The following C1QTNF7 variants were observed in gnomAD, a reference collection of about 807,000 sequenced individuals.
C1QTNF7 encodes complement C1q tumor necrosis factor-related protein 7.
In C1QTNF7, 15 loss-of-function variants were observed where a neutral mutation model predicts 19.6. The ratio of observed to expected loss-of-function variants is 0.76; its 90% CI spans 0.51 to 1.18. The LOEUF (loss-of-function observed/expected upper bound fraction) is 1.18. Ranked by LOEUF, C1QTNF7 falls within the 50% of genes most tolerant of loss-of-function variation. C1QTNF7 has a pLI of 0.00. For synonymous variants in C1QTNF7, 142 were observed against 137.5 expected (o/e 1.03, Z -0.23); for missense variants, 324 against 359.7 (o/e 0.90, Z 0.80).
chr4:15,393,822 G>A lies in C1QTNF7; in HGVS notation c.14-41914G>A, dbSNP rs35006398. Among the ~76,000 whole-genome samples, 569 of 152,322 alleles carry A rather than the reference G, an allele frequency of 3.7e-3. 7 individuals are homozygous for A. The highest frequency in any genetic ancestry group is 7.1e-3 in the Non-Finnish European group (483 of 68,038). On this transcript the variant is annotated intron_variant, in intron 1 of 2. Coordinates refer to the C1QTNF7 transcript ENST00000295297. Reference sequence around the variant, plus strand: ...TCACATGTTTGTTGAGGCCTACTATGTGCTGGGCCCTTTCTGGATACAAGA... The same window carrying A: ...TCACATGTTTGTTGAGGCCTACTATATGCTGGGCCCTTTCTGGATACAAGA...
chr4:15,408,579 G>A (rs1415417827), intron 1 of C1QTNF7, among the ~76,000 whole-genome samples: 1 of 152,076 alleles, frequency 6.6e-6, no homozygotes, highest in Admixed American at 6.6e-5. Flanking sequence ...AGCTGCTTTG[G>A]TGGAATGATG....
intron 1 of C1QTNF7, among the ~76,000 whole-genome samples, chr4:15,407,495 A>C (rs1452391644): frequency 6.6e-6 from 1 of 152,182 alleles, no homozygotes; most frequent in Admixed American, 6.5e-5. Flanking sequence ...AATCAAGTGG[A>C]GGACACCTGG....
intron 1 of C1QTNF7, among the ~76,000 whole-genome samples, chr4:15,382,620 T>C (rs2108892023): frequency 6.6e-6 from 1 of 152,348 alleles, no homozygotes; most frequent in African/African-American, 2.4e-5. Context: ...ATGCATGATA[T>C]ACTCAGGCCT....
chr4:15,401,154 A>G (rs1221667754), intron 1 of C1QTNF7, among the ~76,000 whole-genome samples: 1 of 152,198 alleles, frequency 6.6e-6, no homozygotes, highest in Non-Finnish European at 1.5e-5. Flanking sequence ...GCGAGGGGGA[A>G]GGGAGTGGCA....
At chr4:15,427,219 T>C (rs964488364), upstream of C1QTNF7, among the ~76,000 whole-genome samples, 2 of 152,158 alleles carry the variant, frequency 1.3e-5, no homozygotes, top group African/African-American at 4.8e-5. Context: ...TCTCATTGCT[T>C]GAGAAGAATG....
Position 15,442,251 on chromosome 4 carries a change from C to T in C1QTNF7, c.322C>T (p.Pro108Ser), listed in dbSNP as rs1398955393. The change falls in exon 3 of 3, where the codon CCA (proline) becomes TCA (serine). Residue 108 changes from proline (P) to serine (S), a missense_variant. Transcript: ENST00000444304. ...GETGKKGPIG[P>S]EGEKGEVGPI... Reference sequence around the variant, plus strand: ...GACTGGGAAGAAAGGACCCATAGGACCAGAGGGAGAGAAAGGAGAAGTAGG... The same window carrying T: ...GACTGGGAAGAAAGGACCCATAGGATCAGAGGGAGAGAAAGGAGAAGTAGG... The T allele has an allele frequency of 6.2e-7, 1 of 1,613,818 alleles. No homozygotes were observed. The highest frequency in any genetic ancestry group is 1.7e-5 in the Admixed American group (1 of 59,962).
chr4:15,382,214 G>T (rs1718174340), intron 1 of C1QTNF7, among the ~76,000 whole-genome samples: 1 of 151,992 alleles, frequency 6.6e-6, no homozygotes, highest in South Asian at 2.1e-4. Flanking sequence ...TTCAAATGTG[G>T]TTTTCTTTCC....
rs572497379 is a variant in C1QTNF7 at position 15,362,929 on chromosome 4, T to C, written c.13+22722T>C. ...GTAAGTATCATCATCATTATCATTA[T>C]GATTTTGCAGCATGGAAAACTCAAA... is the stretch of plus-strand genomic sequence containing the variant. On this transcript the variant is annotated intron_variant, in intron 1 of 2. Transcript: ENST00000295297. Among the ~76,000 whole-genome samples the C allele has an allele frequency of 1.3e-3, 198 of 152,304 alleles. 1 individual carries two copies. Among genetic ancestry groups the C allele is most frequent in the Non-Finnish European group, 2.5e-3 (170 of 68,010 alleles).
At chr4:15,400,082 A>G (rs1393902845) in intron 1 of C1QTNF7, among the ~76,000 whole-genome samples, 1 of 152,232 alleles carries the variant, frequency 6.6e-6, no homozygotes, top group African/African-American at 2.4e-5. Flanking sequence ...TGTAACACAC[A>G]AGCTAGATTT....
intron 1 of C1QTNF7, among the ~76,000 whole-genome samples, chr4:15,413,124 C>T (rs1719465067): frequency 6.6e-6 from 1 of 152,220 alleles, no homozygotes; most frequent in Non-Finnish European, 1.5e-5. Context: ...TCAAAATGAA[C>T]AGCATATTTT....
intron 1 of C1QTNF7, among the ~76,000 whole-genome samples, chr4:15,346,661 CAGTGGA>C (rs1174901829): frequency 5.3e-5 from 8 of 152,350 alleles, no homozygotes; most frequent in Non-Finnish European, 1.2e-4. Flanking sequence ...AATTTGACCA[CAGTGGA>C]ATCTTATTAA....
intron 1 of C1QTNF7, among the ~76,000 whole-genome samples, chr4:15,406,260 A>G (rs1719191799): frequency 6.6e-6 from 1 of 152,180 alleles, no homozygotes; most frequent in African/African-American, 2.4e-5. Context: ...TACATATTCA[A>G]TAGCTCTCTG....
chr4:15,424,968 A>G (rs1711970937), upstream of C1QTNF7, among the ~76,000 whole-genome samples: 1 of 152,128 alleles, frequency 6.6e-6, no homozygotes, highest in African/African-American at 2.4e-5. Context: ...TTGTCTCTAC[A>G]AGGTCTCTTT....
intron 1 of C1QTNF7, among the ~76,000 whole-genome samples, chr4:15,348,647 A>C (rs1355862514): frequency 6.6e-6 from 1 of 152,194 alleles, no homozygotes; most frequent in African/African-American, 2.4e-5. Context: ...CATGGTGTTC[A>C]CGGGGCAATA....
intron 1 of C1QTNF7, among the ~76,000 whole-genome samples, chr4:15,397,537 T>A (rs1718831170): frequency 6.6e-6 from 1 of 152,222 alleles, no homozygotes; most frequent in African/African-American, 2.4e-5. Context: ...TCTGGCTATC[T>A]CTAGAGGCAC....
chr4:15,438,302 G>A (rs1712617300), intron 2 of C1QTNF7, among the ~76,000 whole-genome samples: 1 of 152,158 alleles, frequency 6.6e-6, no homozygotes, highest in African/African-American at 2.4e-5. Flanking sequence ...GATCGATGAA[G>A]AGAGGTGTAC....
intron 1 of C1QTNF7, among the ~76,000 whole-genome samples, chr4:15,341,459 C>T (rs372160199): frequency 1.3e-5 from 2 of 152,096 alleles, no homozygotes; most frequent in African/African-American, 4.8e-5. Context: ...ATGGTCTCAA[C>T]GATAAGAAAG....
At chr4:15,434,374 T>A (rs1460567723) in intron 1 of C1QTNF7, among the ~76,000 whole-genome samples, 12 of 152,206 alleles carry the variant, frequency 7.9e-5, no homozygotes, top group Admixed American at 7.9e-4. Context: ...AATTTCCCCA[T>A]GGGTACCACA....
intron 1 of C1QTNF7, among the ~76,000 whole-genome samples, chr4:15,408,704 T>G (rs1280855146): frequency 6.6e-6 from 1 of 152,172 alleles, no homozygotes; most frequent in Non-Finnish European, 1.5e-5. Flanking sequence ...ACTTTGGATA[T>G]ACCTGAACTG....
Sources: allele counts gnomAD v4.1 joint callset (sites outside exome capture counted in the v4.1 genomes callset), GRCh38; gene constraint gnomAD v4.1.1; transcripts MANE v1.5; gene names NCBI Gene and HGNC (gene_info 2026-07-23, HGNC 2026-07-21).